The following GPR158 variants were observed in gnomAD, a reference collection of about 807,000 sequenced individuals.
GPR158 encodes the protein G protein-coupled receptor 158, also known as metabotropic glycine receptor.
Under a neutral mutation model 78.2 loss-of-function variants are expected in GPR158, and 30 were observed. The observed-to-expected ratio is 0.38, with a 90% confidence interval of 0.29 to 0.52. The LOEUF is 0.52. Among genes scored for constraint, GPR158 ranks in the 20% least tolerant of loss-of-function variants. The pLI is 0.83. For synonymous variants in GPR158, 581 were observed against 591.1 expected (o/e 0.98, Z 0.25); for missense variants, 1,463 against 1,523.5 (o/e 0.96, Z 0.66).
At chr10:25,596,240 T>C (rs978401817) in intron 9 of GPR158, among the ~76,000 whole-genome samples, 4 of 152,176 alleles carry the variant, frequency 2.6e-5, no homozygotes, top group African/African-American at 9.6e-5. Context: ...TGGCGTATGA[T>C]ATTTTGGAGG....
intron 5 of GPR158, among the ~76,000 whole-genome samples, chr10:25,542,538 A>G (rs1424342205): frequency 2.6e-5 from 4 of 151,994 alleles, no homozygotes; most frequent in East Asian, 1.9e-4. Flanking sequence ...ATGTTCTTCT[A>G]TGGGCCAGGC....
At chr10:25,499,567 A>C (rs1293093123) in intron 5 of GPR158, among the ~76,000 whole-genome samples, 2 of 152,240 alleles carry the variant, frequency 1.3e-5, no homozygotes, top group Non-Finnish European at 2.9e-5. Context: ...GCTCTCATGA[A>C]GCTGATATTC....
chr10:25,306,675 C>T (rs894722122), intron 2 of GPR158, among the ~76,000 whole-genome samples: 5 of 152,150 alleles, frequency 3.3e-5, no homozygotes, highest in African/African-American at 1.2e-4. Context: ...ATAAGTAGAG[C>T]TTCTCCTGAA....
chr10:25,199,584 G>C (rs1852891591), intron 1 of GPR158, among the ~76,000 whole-genome samples: 1 of 152,102 alleles, frequency 6.6e-6, no homozygotes, highest in African/African-American at 2.4e-5. Flanking sequence ...AGTGGGAGAT[G>C]ATTGGATCAT....
intron 2 of GPR158, among the ~76,000 whole-genome samples, chr10:25,338,235 G>A (rs1458567378): frequency 1.3e-5 from 2 of 150,580 alleles, no homozygotes; most frequent in Admixed American, 1.3e-4. Flanking sequence ...ATCTTTAGAA[G>A]ATTTATTATT....
intron 2 of GPR158, among the ~76,000 whole-genome samples, chr10:25,322,273 C>T (rs977458632): frequency 6.6e-5 from 10 of 151,792 alleles, no homozygotes; most frequent in South Asian, 6.2e-4. Flanking sequence ...CCCAGCTACT[C>T]GGGAGACTGA....
intron 5 of GPR158, among the ~76,000 whole-genome samples, chr10:25,498,535 T>C (rs1298277499): frequency 6.6e-6 from 1 of 152,204 alleles, no homozygotes; most frequent in East Asian, 1.9e-4. Context: ...ATGATTCTAA[T>C]GCGCACCCAA....
chr10:25,538,623 GC>G (rs777546322), intron 5 of GPR158, among the ~76,000 whole-genome samples: 3 of 152,142 alleles, frequency 2.0e-5, no homozygotes, highest in Non-Finnish European at 4.4e-5. Flanking sequence ...TGATCTTCCT[GC>G]CCAGCTTCCC....
At chr10:25,189,442 A>G (rs921351920) in intron 1 of GPR158, among the ~76,000 whole-genome samples, 39 of 152,212 alleles carry the variant, frequency 2.6e-4, no homozygotes, top group African/African-American at 8.0e-4. Context: ...TACACCATGG[A>G]ATACTATGCA....
intron 5 of GPR158, 97 bp downstream of exon 5, chr10:25,466,816 C>A (rs899909640): frequency 1.9e-6 from 1 of 539,442 alleles, no homozygotes; most frequent in Non-Finnish European, 3.1e-6. Context: ...ATACACACAC[C>A]CTGGTGTTAC....
At chr10:25,291,433 A>G (rs1260838562) in intron 2 of GPR158, among the ~76,000 whole-genome samples, 2 of 152,022 alleles carry the variant, frequency 1.3e-5, no homozygotes, top group African/African-American at 2.4e-5. Context: ...AACCATAGAT[A>G]AATTTCTTTT....
intron 2 of GPR158, among the ~76,000 whole-genome samples, chr10:25,330,054 T>G (rs916293503): frequency 6.6e-6 from 1 of 151,994 alleles, no homozygotes; most frequent in Non-Finnish European, 1.5e-5. Flanking sequence ...AGGGTACATG[T>G]GCACATTGTG....
chr10:25,322,855 TG>T, intron 2 of GPR158, among the ~76,000 whole-genome samples: 1 of 152,052 alleles, frequency 6.6e-6, no homozygotes, highest in East Asian at 1.9e-4. Flanking sequence ...TTTTTTTGTT[TG>T]TTTGTTTTGA....
intron 2 of GPR158, among the ~76,000 whole-genome samples, chr10:25,343,878 C>G (rs1855336388): frequency 6.6e-6 from 1 of 151,988 alleles, no homozygotes; most frequent in South Asian, 2.1e-4. Context: ...AAAAACATCT[C>G]ATTAATATTT....
At chr10:25,324,831 C>CTTTTTT (rs34746907) in intron 2 of GPR158, among the ~76,000 whole-genome samples, 9 of 125,388 alleles carry the variant, frequency 7.2e-5, no homozygotes, top group African/African-American at 9.3e-5. Context: ...TTTTTTCTTT[C>CTTTTTT]TTTTTTTTTT....
intron 5 of GPR158, among the ~76,000 whole-genome samples, chr10:25,530,748 G>C (rs2130693034): frequency 6.6e-6 from 1 of 152,276 alleles, no homozygotes; most frequent in Non-Finnish European, 1.5e-5. Flanking sequence ...GAAGTGACAG[G>C]AAACAGGTCA....
chr10:25,203,942 T>TG (rs1442697044), intron 1 of GPR158, among the ~76,000 whole-genome samples: 1 of 144,622 alleles, frequency 6.9e-6, no homozygotes, highest in Non-Finnish European at 1.5e-5. Flanking sequence ...CATTGAGCAG[T>TG]GGTTTGTACT....
At chr10:25,225,808 C>G (rs1177158842) in intron 2 of GPR158, among the ~76,000 whole-genome samples, 1 of 152,000 alleles carries the variant, frequency 6.6e-6, no homozygotes, top group African/African-American at 2.4e-5. Flanking sequence ...TAATTCTTTA[C>G]TACTACATTA....
At chr10:25,546,314 A>T (rs949450793) in intron 5 of GPR158, among the ~76,000 whole-genome samples, 1 of 152,136 alleles carries the variant, frequency 6.6e-6, no homozygotes, top group Non-Finnish European at 1.5e-5. Flanking sequence ...GTTCACCCCC[A>T]TTAGCTGTGT....
Sources: allele counts gnomAD v4.1 joint callset (sites outside exome capture counted in the v4.1 genomes callset), GRCh38; gene constraint gnomAD v4.1.1; transcripts MANE v1.5; gene names NCBI Gene and HGNC (gene_info 2026-07-23, HGNC 2026-07-21).